Variants in FAT3 observed in about 807,000 individuals in gnomAD.
The protein encoded by FAT3 is protocadherin Fat 3.
FAT3 carries 95 observed loss-of-function variants against 310.2 expected under a neutral mutation model. The observed-to-expected ratio is 0.31, with a 90% confidence interval of 0.26 to 0.36. FAT3 has a LOEUF of 0.36. Among genes scored for constraint, FAT3 ranks in the 10% least tolerant of loss-of-function variants. The probability of loss-of-function intolerance (pLI) is 1.00; values close to 1 mark genes in which losing one functional copy is unlikely to be tolerated. For synonymous variants in FAT3, 2,314 were observed against 2,192.9 expected, an observed-to-expected ratio of 1.06 and a Z score of -1.54; for missense variants, 5,408 against 5,715.6, an observed-to-expected ratio of 0.95 and a Z score of 1.74.
At chr11:92,587,151 T>C (rs1203742725) in intron 3 of FAT3, among the ~76,000 whole-genome samples, 1 of 152,166 alleles carries the variant, frequency 6.6e-6, no homozygotes, top group East Asian at 1.9e-4. Flanking sequence ...TATTAAATTG[T>C]GTGTACTTTT....
chr11:92,656,747 C>G (rs1168743332), intron 3 of FAT3, among the ~76,000 whole-genome samples: 2 of 152,118 alleles, frequency 1.3e-5, no homozygotes, highest in African/African-American at 2.4e-5. Flanking sequence ...ATTAATTAGC[C>G]AGTTAATATA....
chr11:92,650,909 A>G (rs953825722), intron 3 of FAT3, among the ~76,000 whole-genome samples: 1 of 152,226 alleles, frequency 6.6e-6, no homozygotes, highest in Non-Finnish European at 1.5e-5. Flanking sequence ...AATAACAATC[A>G]TTCAGTAATG....
At chr11:92,475,112 G>A (rs922229280) in intron 2 of FAT3, among the ~76,000 whole-genome samples, 1 of 152,144 alleles carries the variant, frequency 6.6e-6, no homozygotes, top group Non-Finnish European at 1.5e-5. Flanking sequence ...TTTTGCATAT[G>A]TGTGCCTCTT....
At chr11:92,233,227 T>C (rs1864265277) in intron 1 of FAT3, among the ~76,000 whole-genome samples, 3 of 152,240 alleles carry the variant, frequency 2.0e-5, no homozygotes, top group Admixed American at 2.0e-4. Context: ...GGCTGTCTCC[T>C]ATACTGGTAC....
intron 3 of FAT3, among the ~76,000 whole-genome samples, chr11:92,593,212 A>G (rs1424545459): frequency 6.6e-6 from 1 of 152,020 alleles, no homozygotes; most frequent in Admixed American, 6.6e-5. Flanking sequence ...TCATCTGTCC[A>G]TAGACACTTG....
intron 2 of FAT3, among the ~76,000 whole-genome samples, chr11:92,478,701 C>T (rs1390053235): frequency 6.6e-6 from 1 of 152,068 alleles, no homozygotes; most frequent in Non-Finnish European, 1.5e-5. Flanking sequence ...ACTGCCACCT[C>T]TGCCTCCTGG....
chr11:92,641,252 C>G (rs1941953181), intron 3 of FAT3, among the ~76,000 whole-genome samples: 1 of 152,162 alleles, frequency 6.6e-6, no homozygotes, highest in African/African-American at 2.4e-5. Flanking sequence ...ATATATCTCT[C>G]TCTCCCCAGA....
intron 4 of FAT3, among the ~76,000 whole-genome samples, chr11:92,719,720 CTGTGTGTGTGTGTG>C (rs751825746): frequency 0.038 from 5,191 of 136,844 alleles, 137 homozygotes; most frequent in Non-Finnish European, 0.055. Flanking sequence ...AGAACCAACT[CTGTGTGTGTGTGTG>C]TGTGTGTGTG....
At position 92,882,784 on chromosome 11, in the gene FAT3, G is replaced by C. The variant is rs373136976; in HGVS notation, c.12328G>C (p.Gly4110Arg). The change falls in exon 24 of 28, where the codon GGA becomes CGA. Residue 4110 changes from glycine (G) to arginine (R), a missense_variant. Physicochemically the swap from Gly to Arg is moderately radical, Grantham distance 125 (BLOSUM62 -2). Transcript: ENST00000525166. ...NECEREECEN[G>R]GSCVNVFGSF... Reference sequence around the variant, plus strand: ...GTGCGAACGAGAGGAGTGTGAGAACGGAGGCTCCTGCGTGAACGTGTTCGG... The same window carrying C: ...GTGCGAACGAGAGGAGTGTGAGAACCGAGGCTCCTGCGTGAACGTGTTCGG... The C allele has an allele frequency of 3.7e-6, 6 of 1,611,580 alleles. No individual in the cohort carries two copies. Among genetic ancestry groups the C allele is most frequent in the Non-Finnish European group, 4.2e-6 (5 of 1,179,022 alleles).
At chr11:92,622,281 C>CA (rs57328703) in intron 3 of FAT3, among the ~76,000 whole-genome samples, 63,516 of 145,822 alleles carry the variant, frequency 0.44, 15,035 homozygotes, top group South Asian at 0.65. Context: ...GACTCCATCT[C>CA]AAAAAAAAAA....
At chr11:92,839,527 C>T (rs1948485239) in intron 17 of FAT3, among the ~76,000 whole-genome samples, 1 of 152,168 alleles carries the variant, frequency 6.6e-6, no homozygotes, top group Non-Finnish European at 1.5e-5. Flanking sequence ...AAAAATATGC[C>T]TCCTTTTTCC....
intron 2 of FAT3, among the ~76,000 whole-genome samples, chr11:92,374,800 C>T (rs1035592395): frequency 2.0e-5 from 3 of 152,058 alleles, no homozygotes; most frequent in African/African-American, 7.3e-5. Flanking sequence ...TATATCCCAT[C>T]TTCCTTCTGA....
At chr11:92,705,450 A>ATGGTGGTGTGATGG (rs1944261107) in intron 4 of FAT3, among the ~76,000 whole-genome samples, 1 of 48,136 alleles carries the variant, frequency 2.1e-5, no homozygotes, top group Non-Finnish European at 4.7e-5. Flanking sequence ...TGGTGGTGTG[A>ATGGTGGTGTGATGG]TGGTGGTGTG....
intron 1 of FAT3, among the ~76,000 whole-genome samples, chr11:92,255,347 A>T (rs1211533661): frequency 6.6e-6 from 1 of 151,152 alleles, no homozygotes; most frequent in South Asian, 2.1e-4. Context: ...TTTTTAAAAA[A>T]AAAAAAAAGG....
chr11:92,249,022 T>G (rs1406495931), intron 1 of FAT3, among the ~76,000 whole-genome samples: 3 of 152,122 alleles, frequency 2.0e-5, no homozygotes, highest in Non-Finnish European at 4.4e-5. Context: ...ACATCTGAAT[T>G]CTGTGGTCCA....
intron 4 of FAT3, among the ~76,000 whole-genome samples, chr11:92,734,173 C>G (rs12271144): frequency 0.013 from 1,970 of 152,216 alleles, 48 homozygotes; most frequent in African/African-American, 0.044. Flanking sequence ...TAACCAAACC[C>G]TGAGTATGGA....
intron 10 of FAT3, among the ~76,000 whole-genome samples, chr11:92,802,567 G>A (rs945428697): frequency 8.5e-5 from 13 of 152,194 alleles, no homozygotes. Context: ...TGCCCTGAGA[G>A]GCTAAGGATT....
chr11:92,573,424 A>G (rs1938291530), intron 3 of FAT3, among the ~76,000 whole-genome samples: 1 of 152,150 alleles, frequency 6.6e-6, no homozygotes, highest in Non-Finnish European at 1.5e-5. Context: ...CAAACAACAC[A>G]GTCATTACCG....
chr11:92,701,371 G>GT (rs1167686925), intron 4 of FAT3, among the ~76,000 whole-genome samples: 1 of 152,174 alleles, frequency 6.6e-6, no homozygotes, highest in Non-Finnish European at 1.5e-5. Context: ...GGCTGCAAGG[G>GT]TTTTTCAGTC....
Sources: gnomAD v4.1 joint callset for allele counts (sites outside exome capture counted in the v4.1 genomes callset) on GRCh38, gnomAD v4.1.1 for gene constraint, MANE v1.5 for transcripts, NCBI Gene and HGNC (gene_info 2026-07-23, HGNC 2026-07-21) for gene names.